Variants in ITSN1 observed in about 807,000 individuals in gnomAD.
The protein encoded by ITSN1 is intersectin-1.
A neutral mutation model predicts 239.8 loss-of-function variants in ITSN1; 58 were observed. The observed-to-expected ratio is 0.24, with a 90% CI of 0.20 to 0.30. ITSN1 has a LOEUF of 0.30. Ranked by LOEUF, ITSN1 falls within the 10% of genes least tolerant of loss-of-function variation. ITSN1 has a pLI of 1.00. For synonymous variants in ITSN1, 780 were observed against 770.8 expected (o/e 1.01, Z -0.20); for missense variants, 1,558 against 2,103.3 (o/e 0.74, Z 5.07).
chr21:33,843,224 CAT>C (rs1266507532), intron 29 of ITSN1, among the ~76,000 whole-genome samples: 3 of 152,194 alleles, frequency 2.0e-5, no homozygotes, highest in South Asian at 2.1e-4. Context: ...GATCTATGGA[CAT>C]GTGTGTCCAT....
intron 28 of ITSN1, among the ~76,000 whole-genome samples, chr21:33,835,958 C>A (rs766111713): frequency 2.6e-5 from 4 of 152,036 alleles, no homozygotes; most frequent in Non-Finnish European, 5.9e-5. Context: ...ATAAATAAAT[C>A]ACTGGTTTTA....
intron 25 of ITSN1, among the ~76,000 whole-genome samples, 164 bp downstream of exon 25, chr21:33,823,817 C>G (rs993762982): frequency 6.6e-6 from 1 of 152,140 alleles, no homozygotes; most frequent in Non-Finnish European, 1.5e-5. Context: ...TTTGGCACTG[C>G]GCAGTAAGCA....
rs150673028 is a variant in ITSN1, at chr21:33,869,551, C to T, written c.4173+2220C>T. On this transcript the variant is annotated intron_variant, in intron 33 of 39. Transcript: ENST00000381318. ...TGTGTGTTGATATTAGATGATTGTT[C>T]TTCTCCTGTCACTTTGAGAAAGCCG... 2.0e-3 allele frequency among the ~76,000 whole-genome samples: 311 copies of T among 152,338 alleles called. 1 individual carries two copies. The highest frequency in any genetic ancestry group is 7.3e-3 in the African/African-American group (304 of 41,578).
At chr21:33,762,067 A>G in intron 9 of ITSN1, 81 bp downstream of exon 9, 1 of 984,456 alleles carries the variant, frequency 1.0e-6, no homozygotes, top group Non-Finnish European at 1.6e-6. Context: ...TTAGATTAAT[A>G]CCGTTTTTTA....
chr21:33,722,952 A>G (rs2065587856), intron 4 of ITSN1, among the ~76,000 whole-genome samples: 1 of 152,248 alleles, frequency 6.6e-6, no homozygotes, highest in South Asian at 2.1e-4. Flanking sequence ...CTTCACCCAT[A>G]TCACCCACAT....
At chr21:33,665,853 A>G (rs1450856458) in intron 1 of ITSN1, among the ~76,000 whole-genome samples, 1 of 152,228 alleles carries the variant, frequency 6.6e-6, no homozygotes, top group African/African-American at 2.4e-5. Context: ...AGCATGTAGA[A>G]TAAACATGAA....
At chr21:33,812,529 C>T (rs1230875391) in intron 21 of ITSN1, among the ~76,000 whole-genome samples, 21 of 152,132 alleles carry the variant, frequency 1.4e-4, no homozygotes, top group Admixed American at 1.4e-3. Flanking sequence ...GACAGGGTCT[C>T]ACTTCATCAC....
chr21:33,673,332 A>G (rs1381748673), intron 1 of ITSN1, among the ~76,000 whole-genome samples: 1 of 152,046 alleles, frequency 6.6e-6, no homozygotes, highest in East Asian at 1.9e-4. Flanking sequence ...TAGCATGATG[A>G]CTCTGGCTAA....
At chr21:33,658,094 T>C (rs1472306633) in intron 1 of ITSN1, among the ~76,000 whole-genome samples, 1 of 152,244 alleles carries the variant, frequency 6.6e-6, no homozygotes, top group Non-Finnish European at 1.5e-5. Flanking sequence ...ATACTTTGTA[T>C]GCTATATGTA....
chr21:33,742,989 T>A (rs1050165742), intron 5 of ITSN1, among the ~76,000 whole-genome samples: 1 of 151,872 alleles, frequency 6.6e-6, no homozygotes, highest in Non-Finnish European at 1.5e-5. Flanking sequence ...TCAAAGAGAA[T>A]AAGAAAATGA....
chr21:33,799,365 A>T (rs949125320), intron 18 of ITSN1, among the ~76,000 whole-genome samples: 2 of 152,164 alleles, frequency 1.3e-5, no homozygotes, highest in Non-Finnish European at 2.9e-5. Flanking sequence ...TTCAGTATGG[A>T]AACTGGTGCC....
chr21:33,858,474 A>G (rs1979801137), intron 30 of ITSN1, among the ~76,000 whole-genome samples: 1 of 152,108 alleles, frequency 6.6e-6, no homozygotes, highest in South Asian at 2.1e-4. Context: ...CTGTAAAACA[A>G]TGCAGGCCCT....
In ITSN1 at chr21:33,865,026, A is replaced by G; in HGVS notation, c.3891-125A>G. 2.5e-6 allele frequency: 2 copies of G among 815,972 alleles called. No individual in the cohort carries two copies. Among genetic ancestry groups the G allele is most frequent in the Admixed American group, 3.3e-5 (1 of 30,048 alleles). The allele number at this position is 815,972 out of a possible 1,614,324, so 50.5% of individuals were successfully genotyped here. ...TTTCTCCATTCCTTGTCTCCCAAAT[A>G]GATCCTTTAGTGGCCCTTAAGGCTG... On this transcript the variant is annotated intron_variant, in intron 31 of 39. Transcript: ENST00000381318. This position sits in a 1 kb window ranked among gnomAD's most constrained non-coding sequence, Gnocchi z 4.4.
intron 21 of ITSN1, among the ~76,000 whole-genome samples, chr21:33,813,616 G>A (rs1214397001): frequency 6.6e-6 from 1 of 152,054 alleles, no homozygotes; most frequent in East Asian, 1.9e-4. Flanking sequence ...GCCTCCCACA[G>A]TGCTGGGATT....
In ITSN1 at chr21:33,824,128, C is replaced by T. The variant is rs557538984; in HGVS notation, c.3183+475C>T. ...TGGTTTTGCCCACACAGTAGAAAGA[C>T]ACAAGATCTAAGGGATGGGTACACT... On this transcript the variant is annotated intron_variant, in intron 25 of 39. Transcript: ENST00000381318. 3.3e-5 allele frequency among the ~76,000 whole-genome samples: 5 copies of T among 152,300 alleles called. No homozygotes were observed. In the South Asian group the frequency reaches 1.0e-3, roughly 32 times the overall value.
intron 38 of ITSN1, 69 bp downstream of exon 38, chr21:33,885,591 C>CA: frequency 6.0e-6 from 7 of 1,157,628 alleles, no homozygotes; most frequent in Middle Eastern, 4.1e-4. Context: ...CCCACACCCC[C>CA]ACCTGGCTCT....
intron 1 of ITSN1, among the ~76,000 whole-genome samples, chr21:33,654,863 TC>T (rs1227081177): frequency 6.6e-6 from 1 of 152,210 alleles, no homozygotes; most frequent in African/African-American, 2.4e-5. Context: ...GCCACTCTCT[TC>T]CAGTCTGTTC....
chr21:33,763,430 T>C (rs2068506448), intron 9 of ITSN1, among the ~76,000 whole-genome samples: 1 of 152,028 alleles, frequency 6.6e-6, no homozygotes, highest in Admixed American at 6.6e-5. Flanking sequence ...CCGATAAATC[T>C]TTGTTGTTGG....
intron 1 of ITSN1, among the ~76,000 whole-genome samples, chr21:33,655,501 A>G (rs1470713565): frequency 2.0e-5 from 3 of 151,636 alleles, no homozygotes; most frequent in African/African-American, 4.9e-5. Flanking sequence ...GCTCACTGCA[A>G]TCTCTACCTC....
Sources: allele counts gnomAD v4.1 joint callset (sites outside exome capture counted in the v4.1 genomes callset), GRCh38; gene constraint gnomAD v4.1.1; non-coding constraint Gnocchi (gnomAD v3.1); transcripts MANE v1.5; gene names NCBI Gene and HGNC (gene_info 2026-07-23, HGNC 2026-07-21).